Variants in PTPRN2 observed in about 807,000 individuals in gnomAD.
PTPRN2 encodes receptor-type tyrosine-protein phosphatase N2.
PTPRN2 carries 74 observed loss-of-function variants against 118.8 expected under a neutral mutation model. The observed-to-expected ratio is 0.62, with a 90% CI of 0.52 to 0.76. PTPRN2 has a LOEUF of 0.76. Ranked by LOEUF, PTPRN2 falls within the 30% of genes least tolerant of loss-of-function variation. PTPRN2 has a pLI of 0.00. For missense variants in PTPRN2, 1,481 were observed against 1,394.4 expected (o/e 1.06, Z -0.99); for synonymous variants, 641 against 608.0 (o/e 1.05, Z -0.80).
rs1806090285 is a variant in PTPRN2 at position 157,656,390 on chromosome 7, G to A, written c.2163C>T (p.Ser721=). The stretch of plus-strand genomic sequence containing the variant: ...TGTGGCCGGTGGAGATGTCCATGTT[G>A]GACTGCACAGGCTCCTCGGACCAGG... ...ASSWSEEPVQ[S]NMDISTGHMI... Residue 721 remains serine (S), a synonymous_variant, in exon 14 of 23, where the codon TCC becomes TCT. Coordinates refer to ENST00000389418, the MANE Select transcript of PTPRN2 (RefSeq NM_002847.5). The A allele has an allele frequency of 6.4e-7, 1 of 1,552,472 alleles. No individual in the cohort carries two copies. The highest frequency in any genetic ancestry group is 2.4e-5 in the East Asian group (1 of 41,026).
intron 11 of PTPRN2, among the ~76,000 whole-genome samples, chr7:158,013,129 G>T (rs1377273092): frequency 6.6e-6 from 1 of 152,180 alleles, no homozygotes; most frequent in South Asian, 2.1e-4. Context: ...CCATAAAGGA[G>T]AAAAGTTAAT....
At chr7:158,306,896 T>C (rs185276088) in intron 3 of PTPRN2, among the ~76,000 whole-genome samples, 1 of 146,614 alleles carries the variant, frequency 6.8e-6, no homozygotes, top group Non-Finnish European at 1.5e-5. Context: ...AGACAGAGTC[T>C]TGCTCTGTCA....
chr7:157,842,345 G>A (rs1808484219), intron 12 of PTPRN2, among the ~76,000 whole-genome samples: 1 of 150,766 alleles, frequency 6.6e-6, no homozygotes, highest in African/African-American at 2.5e-5. Flanking sequence ...GGGGAAGGGA[G>A]GAGATTTAAA....
At chr7:158,382,793 A>T (rs1260068545) in intron 2 of PTPRN2, among the ~76,000 whole-genome samples, 2 of 152,196 alleles carry the variant, frequency 1.3e-5, no homozygotes, top group African/African-American at 2.4e-5. Context: ...ACAGATTAAC[A>T]TGAACAGAGA....
At chr7:158,412,688 C>A (rs1471177049) in intron 2 of PTPRN2, among the ~76,000 whole-genome samples, 1 of 130,994 alleles carries the variant, frequency 7.6e-6, no homozygotes, top group Admixed American at 7.4e-5. Context: ...AGCACCAGGG[C>A]CCATCCAGCA....
intron 6 of PTPRN2, among the ~76,000 whole-genome samples, chr7:158,151,098 C>CA (rs1201456682): frequency 3.5e-5 from 2 of 56,594 alleles, no homozygotes; most frequent in East Asian, 1.5e-3. Context: ...CCCAAACCGC[C>CA]CGCCTTTCTG....
At chr7:157,872,809 C>T (rs1811189440) in intron 12 of PTPRN2, among the ~76,000 whole-genome samples, 1 of 152,244 alleles carries the variant, frequency 6.6e-6, no homozygotes, top group Non-Finnish European at 1.5e-5. Context: ...GTTTCCTCAG[C>T]TTCCTGGCGG....
At chr7:158,132,087 C>T (rs1818372608) in intron 9 of PTPRN2, among the ~76,000 whole-genome samples, 1 of 151,730 alleles carries the variant, frequency 6.6e-6, no homozygotes, top group Non-Finnish European at 1.5e-5. Flanking sequence ...GACACACACA[C>T]ACACGCACAT....
intron 2 of PTPRN2, among the ~76,000 whole-genome samples, chr7:158,447,507 C>A (rs1301259510): frequency 1.3e-5 from 2 of 152,190 alleles, no homozygotes; most frequent in Non-Finnish European, 2.9e-5. Flanking sequence ...GCAGCAGGGC[C>A]CCAGGGAGCC....
intron 3 of PTPRN2, among the ~76,000 whole-genome samples, chr7:158,224,346 G>A (rs79218449): frequency 0.029 from 4,418 of 152,222 alleles, 195 homozygotes; most frequent in East Asian, 0.17. Context: ...ATAATTTCAA[G>A]TCTTATATAG....
At chr7:157,788,828 C>T (rs1804248852) in intron 12 of PTPRN2, among the ~76,000 whole-genome samples, 2 of 152,206 alleles carry the variant, frequency 1.3e-5, no homozygotes, top group African/African-American at 2.4e-5. Context: ...TGCCGGCCCA[C>T]TTCTCTGCCA....
At chr7:158,536,566 C>T (rs1438605486) in intron 1 of PTPRN2, among the ~76,000 whole-genome samples, 1 of 149,040 alleles carries the variant, frequency 6.7e-6, no homozygotes, top group Non-Finnish European at 1.5e-5. Context: ...AGCCCACCAT[C>T]ACCGAGACGG....
At chr7:158,309,908 C>T (rs1012135277) in intron 3 of PTPRN2, among the ~76,000 whole-genome samples, 2 of 152,154 alleles carry the variant, frequency 1.3e-5, no homozygotes, top group Non-Finnish European at 2.9e-5. Flanking sequence ...ATGAAGACGG[C>T]GCCCATGCAG....
intron 9 of PTPRN2, among the ~76,000 whole-genome samples, chr7:158,132,418 A>G (rs1415165767): frequency 2.0e-5 from 3 of 151,484 alleles, no homozygotes; most frequent in African/African-American, 7.3e-5. Context: ...CATCTACCCG[A>G]CACACACTCA....
intron 2 of PTPRN2, among the ~76,000 whole-genome samples, chr7:158,470,815 G>C (rs1284604767): frequency 6.6e-6 from 1 of 151,852 alleles, no homozygotes; most frequent in African/African-American, 2.4e-5. Context: ...GTGTGTTTCC[G>C]TGAGATTTTA....
intron 11 of PTPRN2, among the ~76,000 whole-genome samples, chr7:157,980,457 A>T (rs1803051720): frequency 6.6e-6 from 1 of 152,252 alleles, no homozygotes; most frequent in Non-Finnish European, 1.5e-5. Flanking sequence ...ACAGCCATAG[A>T]TACCCTGTGA....
intron 12 of PTPRN2, among the ~76,000 whole-genome samples, chr7:157,737,163 G>T (rs1024760753): frequency 2.6e-5 from 4 of 152,216 alleles, no homozygotes; most frequent in Admixed American, 6.5e-5. Context: ...ATTTCATGAA[G>T]CTTCGGTACA....
chr7:158,586,253 G>T lies in PTPRN2; in HGVS notation c.112+1305C>A, dbSNP rs189676680. Among the ~76,000 whole-genome samples, 721 of 152,346 alleles carry T rather than the reference G, an allele frequency of 4.7e-3. 3 individuals are homozygous for T. The highest frequency in any genetic ancestry group is 0.017 in the African/African-American group (696 of 41,580). Reference sequence around the variant, plus strand: ...CAAGGGAGGAATTCAGGGGACTCTGGCTTGAGGGAGGGGAGCGTCAACTCA... The same window carrying T: ...CAAGGGAGGAATTCAGGGGACTCTGTCTTGAGGGAGGGGAGCGTCAACTCA... On this transcript the variant is annotated intron_variant, in intron 1 of 22. Coordinates refer to ENST00000389418, the MANE Select transcript of PTPRN2 (RefSeq NM_002847.5).
chr7:158,192,799 G>A (rs1180291678), intron 4 of PTPRN2, among the ~76,000 whole-genome samples: 1 of 152,208 alleles, frequency 6.6e-6, no homozygotes, highest in East Asian at 1.9e-4. Context: ...AGAAAGGGAG[G>A]AAGCTGCAGG....
Sources: allele counts gnomAD v4.1 joint callset (sites outside exome capture counted in the v4.1 genomes callset), GRCh38; gene constraint gnomAD v4.1.1; transcripts MANE v1.5; gene names NCBI Gene and HGNC (gene_info 2026-07-23, HGNC 2026-07-21).